The following TTC7A variants were observed in gnomAD, a reference collection of about 807,000 sequenced individuals.
TTC7A encodes tetratricopeptide repeat domain 7A, also known as tetratricopeptide repeat protein 7A.
Under a neutral mutation model 103.7 loss-of-function variants are expected in TTC7A, and 110 were observed. That is an observed-to-expected ratio of 1.06 (90% CI 0.91 to 1.24). The LOEUF (loss-of-function observed/expected upper bound fraction) is 1.24. Among genes scored for constraint, TTC7A ranks in the 50% most tolerant of loss-of-function variants. The pLI is 0.00. For missense variants in TTC7A, 1,340 were observed against 1,116.3 expected, an observed-to-expected ratio of 1.20 and a Z score of -2.86; for synonymous variants, 521 against 467.9, an observed-to-expected ratio of 1.11 and a Z score of -1.47.
chr2:46,968,086 T>TG (rs1269750901), intron 3 of TTC7A, among the ~76,000 whole-genome samples: 2 of 152,050 alleles, frequency 1.3e-5, no homozygotes, highest in African/African-American at 4.8e-5. Context: ...GTTCCAAGGG[T>TG]GGGGCTTCTT....
At chr2:46,954,916 C>G (rs115210421) in intron 2 of TTC7A, among the ~76,000 whole-genome samples, 1,632 of 152,184 alleles carry the variant, frequency 0.011, 34 homozygotes, top group African/African-American at 0.037. Context: ...AAAACATGCC[C>G]TGCATTGTCT....
At chr2:47,048,567 T>A (rs1047235324) in intron 16 of TTC7A, among the ~76,000 whole-genome samples, 4 of 152,232 alleles carry the variant, frequency 2.6e-5, no homozygotes. Context: ...AGGTGGCCCA[T>A]GATTCCAGCC....
At chr2:46,954,676 A>G (rs962478834) in intron 2 of TTC7A, among the ~76,000 whole-genome samples, 8 of 148,348 alleles carry the variant, frequency 5.4e-5, no homozygotes, top group Non-Finnish European at 8.9e-5. Flanking sequence ...GGTTCAAGCG[A>G]TTCTTCTGCC....
intron 19 of TTC7A, among the ~76,000 whole-genome samples, chr2:47,064,520 T>G (rs907203426): frequency 2.6e-5 from 4 of 152,208 alleles, no homozygotes; most frequent in Non-Finnish European, 5.9e-5. Context: ...TGGTTGACAC[T>G]GCTCTTCAGA....
chr2:46,998,722 C>T (rs1348899794), intron 8 of TTC7A, among the ~76,000 whole-genome samples: 1 of 152,194 alleles, frequency 6.6e-6, no homozygotes, highest in Non-Finnish European at 1.5e-5. Context: ...ACATCCAGAG[C>T]AGCTGCTGCA....
intron 19 of TTC7A, among the ~76,000 whole-genome samples, chr2:47,069,701 C>T (rs1052391320): frequency 3.3e-5 from 5 of 152,218 alleles, no homozygotes; most frequent in Non-Finnish European, 1.5e-5. Flanking sequence ...TTGAGGCTGA[C>T]ACACCTGAGA....
intron 3 of TTC7A, among the ~76,000 whole-genome samples, chr2:46,967,505 G>A (rs988129423): frequency 6.6e-6 from 1 of 152,130 alleles, no homozygotes; most frequent in African/African-American, 2.4e-5. Flanking sequence ...GAATCATACA[G>A]TATTTGCCTT....
chr2:46,971,122 G>C (rs762963597), intron 3 of TTC7A, among the ~76,000 whole-genome samples: 8 of 152,246 alleles, frequency 5.3e-5, no homozygotes, highest in Non-Finnish European at 8.8e-5. Flanking sequence ...TACCTACTGT[G>C]TGCCAGGTGG....
intron 19 of TTC7A, among the ~76,000 whole-genome samples, chr2:47,073,173 G>A (rs942629171): frequency 3.3e-5 from 5 of 152,108 alleles, no homozygotes; most frequent in African/African-American, 7.2e-5. Flanking sequence ...CCTGTAATGC[G>A]TCCTCCTCCG....
At chr2:47,008,107 A>G (rs1218089884) in intron 10 of TTC7A, among the ~76,000 whole-genome samples, 2 of 152,130 alleles carry the variant, frequency 1.3e-5, no homozygotes, top group African/African-American at 2.4e-5. Context: ...TGGATCTTCC[A>G]TGGAGCCTGG....
chr2:46,999,216 C>T (rs971871348), intron 8 of TTC7A, among the ~76,000 whole-genome samples: 8 of 152,006 alleles, frequency 5.3e-5, no homozygotes, highest in South Asian at 2.1e-4. Context: ...TTCATTCATC[C>T]GTCTACCCAC....
chr2:47,035,762 G>A (rs1264338167), intron 15 of TTC7A: 4 of 152,242 alleles, frequency 2.6e-5, no homozygotes, highest in African/African-American at 9.6e-5. Flanking sequence ...GGCAGGAATT[G>A]TGGCCCAGGG....
At chr2:47,062,393 C>A (rs1232557445) in intron 19 of TTC7A, among the ~76,000 whole-genome samples, 1 of 152,192 alleles carries the variant, frequency 6.6e-6, no homozygotes, top group Non-Finnish European at 1.5e-5. Flanking sequence ...GTGCAGCCAC[C>A]ATACACCCTT....
Position 46,949,140 on chromosome 2 carries a change from G to A in TTC7A, c.185-1223G>A, listed in dbSNP as rs186767262. ...CACTGAACACCCGGCTCCCATGCTC[G>A]AGCCACCTCTGCTGTAGGTAGCAGG... On this transcript the variant is annotated intron_variant, in intron 1 of 19. Transcript: ENST00000319190. Among the ~76,000 whole-genome samples, 171 of 152,332 alleles carry A rather than the reference G, an allele frequency of 1.1e-3. 2 individuals carry two copies. The highest frequency in any genetic ancestry group is 3.9e-3 in the African/African-American group (162 of 41,580).
At chr2:46,981,362 G>C (rs543266597) in intron 5 of TTC7A, among the ~76,000 whole-genome samples, 3 of 151,986 alleles carry the variant, frequency 2.0e-5, no homozygotes, top group Non-Finnish European at 2.9e-5. Flanking sequence ...AAAGTTGCTC[G>C]ATGTGGGGGT....
In TTC7A at chr2:47,075,698, G is replaced by C. The variant is rs914906725; in HGVS notation, c.*1775G>C. 1 of 152,416 alleles carries C rather than the reference G, an allele frequency of 6.6e-6. No homozygotes were observed. The highest frequency in any genetic ancestry group is 1.5e-5 in the Non-Finnish European group (1 of 68,178). The allele number at this position is 152,416 out of a possible 1,614,324, so 9.4% of individuals were successfully genotyped here. ...GCCAAGACCTGGGCCCACCTGGGGAGGGATGTGGGAAAGGAAGGATGGGAG... is the reference window on the plus strand; with the variant it reads ...GCCAAGACCTGGGCCCACCTGGGGACGGATGTGGGAAAGGAAGGATGGGAG... On this transcript the variant is annotated 3_prime_UTR_variant, in exon 20 of 20. Coordinates refer to ENST00000319190, the MANE Select transcript of TTC7A (RefSeq NM_020458.4).
At chr2:46,937,385 G>GA (rs914456715), upstream of TTC7A, among the ~76,000 whole-genome samples, 82 of 148,762 alleles carry the variant, frequency 5.5e-4, no homozygotes, top group Middle Eastern at 6.9e-3. The surrounding 1 kb of genome is among the most constrained non-coding windows in gnomAD (Gnocchi z 4.0). Context: ...CTTCAGAATA[G>GA]AAAAAAAAAA....
chr2:46,986,260 A>G (rs1674996413), intron 5 of TTC7A, among the ~76,000 whole-genome samples: 1 of 151,844 alleles, frequency 6.6e-6, no homozygotes, highest in Non-Finnish European at 1.5e-5. Context: ...GTTGTTTGGG[A>G]AGCAGGGAGA....
At chr2:47,069,125 T>C (rs1212056738) in intron 19 of TTC7A, among the ~76,000 whole-genome samples, 1 of 152,002 alleles carries the variant, frequency 6.6e-6, no homozygotes, top group East Asian at 1.9e-4. Flanking sequence ...CAGGCAGTGC[T>C]CCAGGATGGG....
Sources: gnomAD v4.1 joint callset for allele counts (sites outside exome capture counted in the v4.1 genomes callset) on GRCh38, gnomAD v4.1.1 for gene constraint, Gnocchi (gnomAD v3.1) non-coding constraint, MANE v1.5 for transcripts, NCBI Gene and HGNC (gene_info 2026-07-23, HGNC 2026-07-21) for gene names.